The following ZNF385D variants were observed in gnomAD, a reference collection of about 807,000 sequenced individuals.
ZNF385D encodes zinc finger protein 659.
ZNF385D carries 15 observed loss-of-function variants against 35.8 expected under a neutral mutation model. The observed-to-expected ratio is 0.42, with a 90% CI of 0.28 to 0.64. ZNF385D has a LOEUF of 0.64. Among genes scored for constraint, ZNF385D ranks in the 30% least tolerant of loss-of-function variants. The pLI is 0.23. For missense variants in ZNF385D, 474 were observed against 494.6 expected, an observed-to-expected ratio of 0.96 and a Z score of 0.39; for synonymous variants, 212 against 186.8, an observed-to-expected ratio of 1.13 and a Z score of -1.10.
intron 2 of ZNF385D, among the ~76,000 whole-genome samples, chr3:21,639,058 C>T (rs963346259): frequency 1.8e-4 from 27 of 152,092 alleles, no homozygotes; most frequent in Admixed American, 8.5e-4. Flanking sequence ...TTATGTAATC[C>T]GACTCCCAAT....
At chr3:21,752,011 C>CT (rs1461988178), upstream of ZNF385D, among the ~76,000 whole-genome samples, 1 of 93,944 alleles carries the variant, frequency 1.1e-5, no homozygotes, top group Non-Finnish European at 2.3e-5. Context: ...ACACCCACCC[C>CT]CCTCCCCCCC....
At chr3:22,076,253 T>G (rs894822225) in intron 3 of ZNF385D, among the ~76,000 whole-genome samples, 1 of 151,910 alleles carries the variant, frequency 6.6e-6, no homozygotes, top group African/African-American at 2.4e-5. Flanking sequence ...GATACATTCT[T>G]TATCCTCCAT....
chr3:21,543,468 C>A (rs1294374875), intron 3 of ZNF385D, among the ~76,000 whole-genome samples: 4 of 152,276 alleles, frequency 2.6e-5, no homozygotes, highest in East Asian at 3.9e-4. Flanking sequence ...AGTTCCCAGC[C>A]GCTCCCCACT....
intron 2 of ZNF385D, among the ~76,000 whole-genome samples, chr3:22,238,437 C>T (rs1039252412): frequency 4.0e-5 from 6 of 150,836 alleles, no homozygotes; most frequent in African/African-American, 1.5e-4. Flanking sequence ...AATTTTCAGT[C>T]TACAAATATG....
At chr3:21,661,152 C>T (rs1324406370) in intron 2 of ZNF385D, among the ~76,000 whole-genome samples, 1 of 152,128 alleles carries the variant, frequency 6.6e-6, no homozygotes, top group East Asian at 1.9e-4. Context: ...ACCTGTTTGT[C>T]GAATACTCCC....
At chr3:21,632,159 A>G (rs2065299961) in intron 2 of ZNF385D, among the ~76,000 whole-genome samples, 1 of 152,130 alleles carries the variant, frequency 6.6e-6, no homozygotes, top group African/African-American at 2.4e-5. Context: ...TTAATTAAAA[A>G]TGGGGGGAAA....
At chr3:21,577,288 C>G (rs985443521) in intron 2 of ZNF385D, among the ~76,000 whole-genome samples, 5 of 152,168 alleles carry the variant, frequency 3.3e-5, no homozygotes, top group African/African-American at 1.2e-4. Flanking sequence ...GCTTATTTCA[C>G]TAGACATAAT....
intron 1 of ZNF385D, among the ~76,000 whole-genome samples, chr3:21,716,078 C>A (rs1381927650): frequency 6.6e-6 from 1 of 152,214 alleles, no homozygotes; most frequent in Admixed American, 6.5e-5. Flanking sequence ...ACCCCACACC[C>A]AACCCCTCAG....
intron 2 of ZNF385D, among the ~76,000 whole-genome samples, chr3:22,181,126 TAA>T (rs1559433477): frequency 6.6e-6 from 1 of 152,140 alleles, no homozygotes; most frequent in East Asian, 1.9e-4. Flanking sequence ...ACAATTCTTA[TAA>T]ATGTCATAAT....
At chr3:21,758,095 C>A (rs2070428420) in intron 3 of ZNF385D, among the ~76,000 whole-genome samples, 1 of 152,126 alleles carries the variant, frequency 6.6e-6, no homozygotes. Flanking sequence ...GATATTTTCC[C>A]CAGGCTTATG....
chr3:22,016,837 G>A (rs983441136), intron 3 of ZNF385D, among the ~76,000 whole-genome samples: 5 of 152,062 alleles, frequency 3.3e-5, no homozygotes, highest in East Asian at 1.9e-4. Flanking sequence ...CTCCTAGCCT[G>A]CCTCTATAAG....
intron 3 of ZNF385D, among the ~76,000 whole-genome samples, chr3:22,137,924 T>C (rs1035919347): frequency 3.3e-5 from 5 of 152,038 alleles, no homozygotes; most frequent in African/African-American, 1.2e-4. Context: ...GAAAACCCCA[T>C]CGTCTCAGCC....
At chr3:22,230,453 C>T (rs534334354) in intron 2 of ZNF385D, among the ~76,000 whole-genome samples, 1 of 152,096 alleles carries the variant, frequency 6.6e-6, no homozygotes, top group African/African-American at 2.4e-5. Flanking sequence ...CTTAGTTCCC[C>T]GATTCTGAGG....
intron 2 of ZNF385D, among the ~76,000 whole-genome samples, chr3:22,182,936 A>G (rs558420953): frequency 1.3e-5 from 2 of 152,282 alleles, no homozygotes; most frequent in South Asian, 4.1e-4. Flanking sequence ...AGCTCCAAAT[A>G]GAGAAATGAT....
intron 3 of ZNF385D, among the ~76,000 whole-genome samples, chr3:22,101,001 G>A (rs559516792): frequency 5.3e-5 from 8 of 151,956 alleles, no homozygotes; most frequent in South Asian, 2.1e-4. Context: ...CAATACATGC[G>A]CCTGTTATAA....
At chr3:22,331,957 T>C (rs1384827179) in intron 2 of ZNF385D, among the ~76,000 whole-genome samples, 1 of 152,176 alleles carries the variant, frequency 6.6e-6, no homozygotes, top group Non-Finnish European at 1.5e-5. Context: ...TTTCTAAATA[T>C]CACTTATTAG....
chr3:22,360,021 G>C (rs1035596310), intron 2 of ZNF385D, among the ~76,000 whole-genome samples: 1 of 151,864 alleles, frequency 6.6e-6, no homozygotes, highest in Non-Finnish European at 1.5e-5. Flanking sequence ...CTGCAAATAA[G>C]AAACAGCTTT....
rs139737691 is a variant in ZNF385D, at chr3:22,064,523, T to G, written c.325+104294A>C. On this transcript the variant is annotated intron_variant, in intron 3 of 5. Coordinates refer to the ZNF385D transcript ENST00000494108. Reference sequence around the variant, plus strand: ...GCAGCACTATTCACAATAACTAAGATAGGAAAGCAATCCAGGTGTCTGTCA... The same window carrying G: ...GCAGCACTATTCACAATAACTAAGAGAGGAAAGCAATCCAGGTGTCTGTCA... Among the ~76,000 whole-genome samples, 365 of 152,298 alleles carry G rather than the reference T, an allele frequency of 2.4e-3. 2 individuals are homozygous for G. Among genetic ancestry groups the G allele is most frequent in the South Asian group, 0.013 (65 of 4,822 alleles).
At chr3:22,002,765 G>C (rs2125417493) in intron 3 of ZNF385D, among the ~76,000 whole-genome samples, 1 of 152,138 alleles carries the variant, frequency 6.6e-6, no homozygotes, top group African/African-American at 2.4e-5. Flanking sequence ...TTTATCCTAG[G>C]GTTGCAAGAT....
Sources: allele counts gnomAD v4.1 joint callset (sites outside exome capture counted in the v4.1 genomes callset), GRCh38; gene constraint gnomAD v4.1.1; transcripts MANE v1.5; gene names NCBI Gene and HGNC (gene_info 2026-07-23, HGNC 2026-07-21).